Variants in WFDC10B observed in about 807,000 individuals in gnomAD.
WFDC10B encodes WAP four-disulfide core domain 10B.
Under a neutral mutation model 2.7 loss-of-function variants are expected in WFDC10B, and 1 was observed. That is an observed-to-expected ratio of 0.38 (90% CI 0.13 to 1.79). WFDC10B has a LOEUF of 1.79. WFDC10B is among the 40% of genes most tolerant of loss of function. The pLI is 0.33. For missense variants in WFDC10B, 71 were observed against 87.8 expected (o/e 0.81, Z 0.76); for synonymous variants, 26 against 32.2 (o/e 0.81, Z 0.65).
At chr20:45,697,326 A>G (rs1225990871) in intron 2 of WFDC10B, among the ~76,000 whole-genome samples, 1 of 151,818 alleles carries the variant, frequency 6.6e-6, no homozygotes, top group East Asian at 1.9e-4. Context: ...AAAATACAGA[A>G]CATTGCTGAA....
chr20:45,686,724 G>A (rs527845322), intron 2 of WFDC10B, among the ~76,000 whole-genome samples: 88 of 151,262 alleles, frequency 5.8e-4, no homozygotes, highest in African/African-American at 2.0e-3. Context: ...GTGCAATGGC[G>A]TGATCTTGGC....
chr20:45,687,627 A>G (rs1432582293), intron 2 of WFDC10B, among the ~76,000 whole-genome samples: 1 of 152,196 alleles, frequency 6.6e-6, no homozygotes, highest in Non-Finnish European at 1.5e-5. Flanking sequence ...CATTCCTACC[A>G]ACAGCATGAA....
At chr20:45,697,378 CATT>C (rs1354068219) in intron 2 of WFDC10B, among the ~76,000 whole-genome samples, 26 of 97,402 alleles carry the variant, frequency 2.7e-4, no homozygotes, top group African/African-American at 1.0e-3. Flanking sequence ...GACATCCCAT[CATT>C]TTTTTTTTTT....
At chr20:45,689,355 T>C (rs1983734241) in intron 2 of WFDC10B, among the ~76,000 whole-genome samples, 2 of 151,430 alleles carry the variant, frequency 1.3e-5, no homozygotes, top group Non-Finnish European at 3.0e-5. Flanking sequence ...AACTTTAAAG[T>C]AGTTTTTTCC....
intron 2 of WFDC10B, among the ~76,000 whole-genome samples, chr20:45,693,100 C>A (rs1000182242): frequency 2.6e-5 from 4 of 152,132 alleles, no homozygotes; most frequent in Non-Finnish European, 5.9e-5. Flanking sequence ...CACTCCAGAC[C>A]CTGTTTGCCT....
At chr20:45,696,050 G>T (rs1166437370) in intron 2 of WFDC10B, among the ~76,000 whole-genome samples, 2 of 152,026 alleles carry the variant, frequency 1.3e-5, no homozygotes, top group African/African-American at 2.4e-5. Flanking sequence ...ACTTTGGGAG[G>T]CCGAGGCAGG....
At chr20:45,697,465 A>G (rs67297650) in intron 2 of WFDC10B, among the ~76,000 whole-genome samples, 49,707 of 146,396 alleles carry the variant, frequency 0.34, 8,451 homozygotes, top group South Asian at 0.46. Context: ...GCTCACTGTA[A>G]CCTCCATCTC....
rs149834246 is a variant in WFDC10B, at chr20:45,687,860, TTTA to T, written c.-64-1807_-64-1805del. ...TTTAATGGGATTGCTTGTCTTTTCT[TTTA>T]TTATTATTATTATTATTATTATTAT... On this transcript the variant is annotated intron_variant, in intron 2 of 3. Transcript: ENST00000330523. Among the ~76,000 whole-genome samples, 1,296 of 145,296 alleles carry T rather than the reference TTTA, an allele frequency of 8.9e-3. 22 individuals carry two copies. Among genetic ancestry groups the T allele is most frequent in the East Asian group, 0.058 (291 of 4,998 alleles).
rs549171553 is a variant in WFDC10B, at chr20:45,696,341, G to T, written c.-65+8156C>A. Among the ~76,000 whole-genome samples the T allele has an allele frequency of 4.8e-5, 7 of 146,582 alleles. No homozygotes were observed. In the South Asian group the frequency reaches 1.5e-3, roughly 32 times the overall value. On this transcript the variant is annotated intron_variant, in intron 2 of 3. Coordinates refer to ENST00000330523, the MANE Select transcript of WFDC10B (RefSeq NM_172006.2). ...TCTGCAACCTAACTTTACATCATAC[G>T]AAACTAGAAAGAGAAGAACAAATAC...
In WFDC10B at chr20:45,697,379, A is replaced by AT. The variant is rs869059383; in HGVS notation, c.-65+7117dup. Among the ~76,000 whole-genome samples, 597 of 113,982 alleles carry AT rather than the reference A, an allele frequency of 5.2e-3. 15 individuals are homozygous for AT. Among genetic ancestry groups the AT allele is most frequent in the Middle Eastern group, 0.022 (4 of 182 alleles). The allele number at this position is 113,982 out of a possible 152,430, so 74.8% of individuals were successfully genotyped here. A position where few individuals can be genotyped will look rare whatever the true frequency, so the allele number is the denominator to read the frequency against. On this transcript the variant is annotated intron_variant, in intron 2 of 3. Transcript: ENST00000330523. ...TCAAGAAATAGAAAGACATCCCATCATTTTTTTTTTTTTTTTTTTTTTTGA... is the reference window on the plus strand; with the variant it reads ...TCAAGAAATAGAAAGACATCCCATCATTTTTTTTTTTTTTTTTTTTTTTTGA...
chr20:45,704,930 C>T lies in WFDC10B; in HGVS notation c.-142G>A. On this transcript the variant is annotated 5_prime_UTR_variant, in exon 1 of 4. Transcript: ENST00000330523. Reference sequence around the variant, plus strand: ...AGGGACACTGTACCTGCAGGTGTAACCAAAATCCCAAAGCAAAATTTGTCC... The same window carrying T: ...AGGGACACTGTACCTGCAGGTGTAATCAAAATCCCAAAGCAAAATTTGTCC... 1 of 1,614,128 alleles carries T rather than the reference C, an allele frequency of 6.2e-7. No homozygotes were observed. Among genetic ancestry groups the T allele is most frequent in the Non-Finnish European group, 8.5e-7 (1 of 1,180,002 alleles).
intron 2 of WFDC10B, among the ~76,000 whole-genome samples, chr20:45,703,711 TG>T (rs1984270268): frequency 2.0e-5 from 3 of 152,048 alleles, no homozygotes; most frequent in Admixed American, 1.3e-4. Flanking sequence ...CTGAAATACT[TG>T]GGGGTAGGGG....
At chr20:45,690,570 A>G (rs1454653466) in intron 2 of WFDC10B, among the ~76,000 whole-genome samples, 3 of 151,632 alleles carry the variant, frequency 2.0e-5, no homozygotes, top group Non-Finnish European at 4.4e-5. Context: ...TAGTCTTGGG[A>G]GAGTGTACGT....
intron 2 of WFDC10B, among the ~76,000 whole-genome samples, chr20:45,693,438 C>T (rs1983880330): frequency 6.6e-6 from 1 of 152,226 alleles, no homozygotes; most frequent in African/African-American, 2.4e-5. Context: ...GAGGTGGAGC[C>T]TACAGAGGCA....
intron 2 of WFDC10B, among the ~76,000 whole-genome samples, chr20:45,693,123 C>T (rs1342572113): frequency 1.3e-5 from 2 of 152,148 alleles, no homozygotes; most frequent in Admixed American, 1.3e-4. Flanking sequence ...GTATCAGCAG[C>T]GGTGTCTGCA....
intron 2 of WFDC10B, 47 bp from the exon 3 acceptor site, chr20:45,686,103 G>T: frequency 3.3e-6 from 5 of 1,504,518 alleles, no homozygotes; most frequent in Middle Eastern, 1.7e-4. Context: ...TCAGCTCCTC[G>T]CTGCCTCCAC....
Position 45,686,135 on chromosome 20 carries a change from A to G in WFDC10B, c.-64-79T>C. On this transcript the variant is annotated intron_variant, in intron 2 of 3. Coordinates refer to ENST00000330523, the MANE Select transcript of WFDC10B (RefSeq NM_172006.2). ...CCACTGGACAAGTCAGGGCAGAGCA[A>G]GAGTCCTTGCTTCCTGCCCTTGCCT... 2.1e-6 allele frequency: 3 copies of G among 1,454,338 alleles called. No individual in the cohort carries two copies. In the African/African-American group the frequency reaches 4.2e-5, roughly 21 times the overall value. The allele number at this position is 1,454,338 out of a possible 1,614,324, so 90.1% of individuals were successfully genotyped here.
intron 2 of WFDC10B, among the ~76,000 whole-genome samples, chr20:45,693,630 G>T (rs1046164292): frequency 6.6e-6 from 1 of 152,288 alleles, no homozygotes; most frequent in East Asian, 1.9e-4. Flanking sequence ...GACCCTCCGA[G>T]CCAGGTGTGG....
At chr20:45,691,687 T>C (rs2145636954) in intron 2 of WFDC10B, among the ~76,000 whole-genome samples, 1 of 152,342 alleles carries the variant, frequency 6.6e-6, no homozygotes, top group East Asian at 1.9e-4. Flanking sequence ...TTCCATTTGC[T>C]TGGTAGATCT....
Sources: gnomAD v4.1 joint callset for allele counts (sites outside exome capture counted in the v4.1 genomes callset) on GRCh38, gnomAD v4.1.1 for gene constraint, MANE v1.5 for transcripts, NCBI Gene and HGNC (gene_info 2026-07-23, HGNC 2026-07-21) for gene names.